The following ARHGEF10L variants were observed in gnomAD, a reference collection of about 807,000 sequenced individuals.
ARHGEF10L encodes Rho guanine nucleotide exchange factor 10 like.
ARHGEF10L carries 69 observed loss-of-function variants against 141.2 expected under a neutral mutation model. The observed-to-expected ratio is 0.49, with a 90% CI of 0.40 to 0.60. ARHGEF10L has a LOEUF of 0.60. ARHGEF10L is among the 20% of genes least tolerant of loss of function. The pLI is 0.00. For missense variants in ARHGEF10L, 1,482 were observed against 1,734.3 expected (o/e 0.85, Z 2.58); for synonymous variants, 711 against 718.5 (o/e 0.99, Z 0.17).
At chr1:17,584,744 C>G (rs2078880607) in intron 2 of ARHGEF10L, among the ~76,000 whole-genome samples, 1 of 152,174 alleles carries the variant, frequency 6.6e-6, no homozygotes, top group African/African-American at 2.4e-5. Flanking sequence ...TGCAAAGGTC[C>G]TGAGGCAGGA....
At chr1:17,682,028 AT>A (rs951221422) in intron 26 of ARHGEF10L, among the ~76,000 whole-genome samples, 5 of 151,212 alleles carry the variant, frequency 3.3e-5, no homozygotes, top group African/African-American at 1.2e-4. Flanking sequence ...CAGGACCATC[AT>A]TATTATTTTT....
chr1:17,583,517 A>G (rs2078768591), intron 2 of ARHGEF10L, among the ~76,000 whole-genome samples: 1 of 152,156 alleles, frequency 6.6e-6, no homozygotes, highest in Non-Finnish European at 1.5e-5. Context: ...CCCTCCTCCC[A>G]ACAACCCTGT....
At chr1:17,595,833 C>T (rs756250820) in intron 4 of ARHGEF10L, among the ~76,000 whole-genome samples, 10 of 152,110 alleles carry the variant, frequency 6.6e-5, no homozygotes, top group African/African-American at 1.4e-4. Flanking sequence ...CAGAACCCTG[C>T]GAGGGAGGTA....
At chr1:17,584,466 C>G (rs2078853693) in intron 2 of ARHGEF10L, among the ~76,000 whole-genome samples, 1 of 151,972 alleles carries the variant, frequency 6.6e-6, no homozygotes, top group Non-Finnish European at 1.5e-5. Flanking sequence ...GCAAACAAAA[C>G]AGACAAAAAT....
intron 7 of ARHGEF10L, among the ~76,000 whole-genome samples, chr1:17,612,584 T>G (rs1408419937): frequency 6.6e-6 from 1 of 152,178 alleles, no homozygotes; most frequent in African/African-American, 2.4e-5. Flanking sequence ...TTTCTGTGGA[T>G]TTACCCACTT....
chr1:17,641,966 G>A (rs2061350488), intron 21 of ARHGEF10L, among the ~76,000 whole-genome samples: 1 of 150,018 alleles, frequency 6.7e-6, no homozygotes, highest in Non-Finnish European at 1.5e-5. Flanking sequence ...GAGTGATAGA[G>A]TGAGACTCCG....
intron 13 of ARHGEF10L, among the ~76,000 whole-genome samples, chr1:17,624,890 A>G (rs1287970008): frequency 2.6e-5 from 4 of 152,130 alleles, no homozygotes; most frequent in Non-Finnish European, 4.4e-5. Flanking sequence ...GAAATTCCTT[A>G]TAGGGGTATC....
chr1:17,532,973 G>A, the ARHGEF10L span, among the ~76,000 whole-genome samples: 64 of 152,088 alleles, frequency 4.2e-4, no homozygotes, highest in Non-Finnish European at 2.5e-4. Flanking sequence ...GCCTTAACTG[G>A]TCCCTCTCTT....
chr1:17,656,226 GA>G lies in ARHGEF10L; in HGVS notation c.2705+126del. ...AACATTCTCTGCCCCTGGTCTCCAG[GA>G]AGGTGGGCACCAGAGCTGCCCAGTG... On this transcript the variant is annotated intron_variant, in intron 24 of 28. Coordinates refer to ENST00000361221, the MANE Select transcript of ARHGEF10L (RefSeq NM_018125.4). This position sits in a 1 kb window ranked among gnomAD's most constrained non-coding sequence, Gnocchi z 4.9. The G allele has an allele frequency of 8.2e-7, 1 of 1,221,806 alleles. No homozygotes were observed. Among genetic ancestry groups the G allele is most frequent in the Non-Finnish European group, 1.1e-6 (1 of 879,792 alleles). 75.7% of individuals were successfully genotyped at this position (1,221,806 alleles called of 1,614,324 possible).
At chr1:17,556,294 AGGGCGGGCCTGGGAGCACGG>A (rs2077323468) in intron 1 of ARHGEF10L, among the ~76,000 whole-genome samples, 2 of 52,694 alleles carry the variant, frequency 3.8e-5, no homozygotes, top group Non-Finnish European at 5.9e-5. Flanking sequence ...CTGGGAGCAC[AGGGCGGGCCTGGGAGCACGG>A]GGGTGGGCCT....
chr1:17,520,699 G>C, the ARHGEF10L span, among the ~76,000 whole-genome samples: 1 of 152,202 alleles, frequency 6.6e-6, no homozygotes, highest in Non-Finnish European at 1.5e-5. Flanking sequence ...ACCTAGCAGG[G>C]CAGGTCACGG....
chr1:17,605,091 A>T (rs552430509), intron 6 of ARHGEF10L, among the ~76,000 whole-genome samples: 60 of 152,210 alleles, frequency 3.9e-4, no homozygotes, highest in South Asian at 1.5e-3. Context: ...AGTTTTGGAG[A>T]TGCTTTTCAC....
At position 17,619,325 on chromosome 1, in the gene ARHGEF10L, AT is replaced by A. The variant is rs1327120610; in HGVS notation, c.836-13del. 3 of 1,612,362 alleles carry A rather than the reference AT, an allele frequency of 1.9e-6. No individual in the cohort carries two copies. The highest frequency in any genetic ancestry group is 2.7e-5 in the African/African-American group (2 of 75,018). ...CCTGCCTTAGCTGTGTCATCGGCCCATCTGACTTTCCAGGTGACTCGGAGGA... is the reference window on the plus strand; with the variant it reads ...CCTGCCTTAGCTGTGTCATCGGCCCACTGACTTTCCAGGTGACTCGGAGGA... On this transcript the variant is annotated splice_polypyrimidine_tract_variant and intron_variant, in intron 9 of 28. Transcript: ENST00000361221. The surrounding 1 kb of genome is among the most constrained non-coding windows in gnomAD (Gnocchi z 5.0).
At chr1:17,602,074 G>A in intron 4 of ARHGEF10L, 53 bp from the exon 5 acceptor site, 1 of 1,450,218 alleles carries the variant, frequency 6.9e-7, no homozygotes, top group Non-Finnish European at 9.2e-7. Flanking sequence ...GGCTGCCAGA[G>A]GCTTCTGGGA....
At chr1:17,685,047 T>G (rs2064449143) in intron 26 of ARHGEF10L, among the ~76,000 whole-genome samples, 1 of 152,118 alleles carries the variant, frequency 6.6e-6, no homozygotes. Context: ...CAAGCTTCCT[T>G]AACTCAGTGG....
At chr1:17,677,866 T>A (rs2063822608) in intron 26 of ARHGEF10L, among the ~76,000 whole-genome samples, 1 of 152,048 alleles carries the variant, frequency 6.6e-6, no homozygotes, top group Non-Finnish European at 1.5e-5. Context: ...AACAAGACAA[T>A]CCCAGGCCAC....
intron 26 of ARHGEF10L, among the ~76,000 whole-genome samples, chr1:17,675,281 G>A (rs903235648): frequency 1.4e-4 from 21 of 152,198 alleles, no homozygotes; most frequent in African/African-American, 5.1e-4. Context: ...CAGGGCAACC[G>A]CCTTGGCTGA....
At chr1:17,584,095 GGTGCAGTGGCACAATCATGGCTCA>G (rs1419685713) in intron 2 of ARHGEF10L, among the ~76,000 whole-genome samples, 1 of 151,790 alleles carries the variant, frequency 6.6e-6, no homozygotes, top group Non-Finnish European at 1.5e-5. Context: ...CCCAGGCTGG[GGTGCAGTGGCACAATCATGGCTCA>G]GTGCAGCCTT....
intron 26 of ARHGEF10L, among the ~76,000 whole-genome samples, chr1:17,669,543 C>T (rs1255850944): frequency 6.6e-6 from 1 of 152,194 alleles, no homozygotes; most frequent in Admixed American, 6.5e-5. Context: ...GGGATTTGAA[C>T]ACAGGCATTC....
Sources: allele counts gnomAD v4.1 joint callset (sites outside exome capture counted in the v4.1 genomes callset), GRCh38; gene constraint gnomAD v4.1.1; non-coding constraint Gnocchi (gnomAD v3.1); transcripts MANE v1.5; gene names NCBI Gene and HGNC (gene_info 2026-07-23, HGNC 2026-07-21).